Variants in ABTB2 observed in about 807,000 individuals in gnomAD.
ABTB2 encodes the protein ankyrin repeat and BTB domain containing 2.
A neutral mutation model predicts 104.1 loss-of-function variants in ABTB2; 56 were observed. The observed-to-expected ratio is 0.54, with a 90% CI of 0.43 to 0.67. ABTB2 has a LOEUF of 0.67. ABTB2 is among the 30% of genes least tolerant of loss of function. ABTB2 has a pLI of 0.00. For synonymous variants in ABTB2, 606 were observed against 608.2 expected, an observed-to-expected ratio of 1.00 and a Z score of 0.05; for missense variants, 1,279 against 1,407.7, an observed-to-expected ratio of 0.91 and a Z score of 1.46.
At chr11:34,310,580 G>A (rs117297231) in intron 1 of ABTB2, among the ~76,000 whole-genome samples, 1,555 of 152,054 alleles carry the variant, frequency 0.01, 11 homozygotes, top group Non-Finnish European at 0.017. Context: ...ATCAACCTCC[G>A]CTGCATCCCT....
chr11:34,348,336 A>T (rs1176762786), intron 1 of ABTB2, among the ~76,000 whole-genome samples: 2 of 152,216 alleles, frequency 1.3e-5, no homozygotes, highest in East Asian at 3.8e-4. Flanking sequence ...GTACTCTGGC[A>T]GGCTTCTTAA....
At position 34,320,953 on chromosome 11, in the gene ABTB2, T is replaced by C. The variant is rs182855765; in HGVS notation, c.883+35748A>G. On this transcript the variant is annotated intron_variant, in intron 1 of 16. Transcript: ENST00000435224. The stretch of plus-strand genomic sequence containing the variant: ...ATCCCAGCACTTTGGGAGGCTGAGG[T>C]GGGTGGATCACCTGAGGTCGGGAGT... 1.8e-3 allele frequency among the ~76,000 whole-genome samples: 272 copies of C among 152,264 alleles called. 2 individuals carry two copies. Among genetic ancestry groups the C allele is most frequent in the Admixed American group, 2.9e-3 (44 of 15,300 alleles).
At chr11:34,236,137 G>C (rs1315665197) in intron 1 of ABTB2, among the ~76,000 whole-genome samples, 1 of 152,096 alleles carries the variant, frequency 6.6e-6, no homozygotes, top group South Asian at 2.1e-4. Flanking sequence ...TGTTGGCAGA[G>C]GGAGATTAAA....
At chr11:34,159,829 ACTCT>A in intron 13 of ABTB2, 73 bp downstream of exon 13, 1 of 1,195,190 alleles carries the variant, frequency 8.4e-7, no homozygotes, top group Non-Finnish European at 1.2e-6. Flanking sequence ...CCAGCGAGTC[ACTCT>A]CTGTCACCTG....
Position 34,291,937 on chromosome 11 carries a change from C to T in ABTB2, c.883+64764G>A, listed in dbSNP as rs115426593. Among the ~76,000 whole-genome samples, 109 of 151,720 alleles carry T rather than the reference C, an allele frequency of 7.2e-4. 1 individual carries two copies. Among genetic ancestry groups the T allele is most frequent in the African/African-American group, 2.6e-3 (107 of 41,356 alleles). ...TTTTTGGCTTTTAGAGTGACTTACA[C>T]CAATAATACAAAGGTATCATTTAAA... On this transcript the variant is annotated intron_variant, in intron 1 of 16. Transcript: ENST00000435224.
Position 34,154,199 on chromosome 11 carries a change from C to A in ABTB2, c.2880+66G>T. 7.7e-7 allele frequency: 1 copy of A among 1,298,174 alleles called. No individual in the cohort carries two copies. Among genetic ancestry groups the A allele is most frequent in the Non-Finnish European group, 1.1e-6 (1 of 905,360 alleles). The allele number at this position is 1,298,174 out of a possible 1,614,324, so 80.4% of individuals were successfully genotyped here. On this transcript the variant is annotated intron_variant, in intron 16 of 16. Coordinates refer to ENST00000435224, the MANE Select transcript of ABTB2 (RefSeq NM_145804.3). The surrounding 1 kb of genome is among the most constrained non-coding windows in gnomAD (Gnocchi z 4.9). ...CTAGCTCATCCCCAGTGCAGCCACA[C>A]GGCCGAGGCCCCCGTGGAGCAGAGC...
chr11:34,322,978 C>T (rs965515938), intron 1 of ABTB2, among the ~76,000 whole-genome samples: 2 of 152,168 alleles, frequency 1.3e-5, no homozygotes, highest in Non-Finnish European at 2.9e-5. Context: ...GGCACGATCT[C>T]GGCTCACTGC....
chr11:34,189,878 C>G (rs1431955693), intron 3 of ABTB2, among the ~76,000 whole-genome samples: 1 of 152,120 alleles, frequency 6.6e-6, no homozygotes, highest in African/African-American at 2.4e-5. Context: ...TGCTAAGTGC[C>G]TTATGTATAT....
intron 1 of ABTB2, among the ~76,000 whole-genome samples, chr11:34,290,196 A>T (rs1035191138): frequency 6.6e-6 from 1 of 152,272 alleles, no homozygotes; most frequent in Non-Finnish European, 1.5e-5. Flanking sequence ...ACAGAACTAC[A>T]GCAAGTGTCT....
chr11:34,321,979 T>A (rs76918693), intron 1 of ABTB2, among the ~76,000 whole-genome samples: 77 of 152,274 alleles, frequency 5.1e-4, no homozygotes, highest in African/African-American at 1.8e-3. Context: ...CCATTGCTTC[T>A]GACACCGAAA....
At chr11:34,303,613 CT>C (rs1223479549) in intron 1 of ABTB2, among the ~76,000 whole-genome samples, 4 of 150,440 alleles carry the variant, frequency 2.7e-5, no homozygotes, top group Non-Finnish European at 5.9e-5. Flanking sequence ...AGCTGTCCCC[CT>C]ATCTACAAAG....
At chr11:34,270,212 C>T (rs1353774265) in intron 1 of ABTB2, among the ~76,000 whole-genome samples, 1 of 152,178 alleles carries the variant, frequency 6.6e-6, no homozygotes, top group Admixed American at 6.6e-5. Flanking sequence ...AGCTCCCCGA[C>T]CAAGAGGACT....
chr11:34,322,837 C>T (rs551258912), intron 1 of ABTB2, among the ~76,000 whole-genome samples: 1 of 152,176 alleles, frequency 6.6e-6, no homozygotes, highest in Non-Finnish European at 1.5e-5. Context: ...TACCACCCAC[C>T]CAGCTAATTT....
Position 34,164,821 on chromosome 11 carries a change from C to T in ABTB2, c.1853G>A (p.Gly618Glu), listed in dbSNP as rs1852775999. Residue 618 changes from glycine to glutamate, a missense_variant and splice_region_variant, in exon 9 of 17, where the codon GGG (glycine) becomes GAG (glutamate). Physicochemically the swap from Gly to Glu is moderately conservative, Grantham distance 98 (BLOSUM62 -2). Transcript: ENST00000435224. ...CAACAAACTGACCAGCTCATAGTTCCCTGAAAGAGAAGGTGGGCAGCACGG... is the reference window on the plus strand; with the variant it reads ...CAACAAACTGACCAGCTCATAGTTCTCTGAAAGAGAAGGTGGGCAGCACGG... ...ETPLQLASAA[G>E]NYELVSLLLS... is the part of the protein sequence containing the mutation. 6.3e-7 allele frequency: 1 copy of T among 1,586,792 alleles called. No homozygotes were observed. The highest frequency in any genetic ancestry group is 8.5e-7 in the Non-Finnish European group (1 of 1,171,654).
intron 7 of ABTB2, among the ~76,000 whole-genome samples, chr11:34,166,599 G>A (rs1402156823): frequency 2.6e-5 from 4 of 152,248 alleles, no homozygotes; most frequent in African/African-American, 9.6e-5. Flanking sequence ...AGGGTGTCAC[G>A]CTAACTCCCT....
intron 3 of ABTB2, among the ~76,000 whole-genome samples, chr11:34,190,854 A>G (rs762023787): frequency 2.0e-5 from 3 of 152,146 alleles, no homozygotes; most frequent in Non-Finnish European, 4.4e-5. Context: ...TGCCATCTAA[A>G]TGTTGTTTAT....
At chr11:34,167,846 C>G (rs992480266) in intron 6 of ABTB2, 57 bp downstream of exon 6, 14 of 1,573,406 alleles carry the variant, frequency 8.9e-6, no homozygotes, top group Admixed American at 3.4e-5. Flanking sequence ...TGTTGGAGCC[C>G]TCGGAGTGAT....
chr11:34,163,140 G>T (rs1394299325), intron 9 of ABTB2, among the ~76,000 whole-genome samples: 2 of 152,164 alleles, frequency 1.3e-5, no homozygotes, highest in South Asian at 2.1e-4. Flanking sequence ...ACTGCTTTGG[G>T]ATATATTACA....
intron 1 of ABTB2, among the ~76,000 whole-genome samples, chr11:34,228,559 AT>A (rs1853717568): frequency 6.6e-6 from 1 of 151,834 alleles, no homozygotes; most frequent in Non-Finnish European, 1.5e-5. Flanking sequence ...TAATTTTTAT[AT>A]TTTTAGTAGA....
Sources: gnomAD v4.1 joint callset for allele counts (sites outside exome capture counted in the v4.1 genomes callset) on GRCh38, gnomAD v4.1.1 for gene constraint, Gnocchi (gnomAD v3.1) non-coding constraint, MANE v1.5 for transcripts, NCBI Gene and HGNC (gene_info 2026-07-23, HGNC 2026-07-21) for gene names.